Variants in SHB observed in about 807,000 individuals in gnomAD.
SHB encodes SH2 domain-containing adapter protein B.
In SHB, 20 loss-of-function variants were observed where a neutral mutation model predicts 52.3. The ratio of observed to expected loss-of-function variants is 0.38; its 90% CI spans 0.27 to 0.56. The LOEUF (loss-of-function observed/expected upper bound fraction) is 0.56, where lower values mean the gene tolerates loss of function less well. SHB is among the 20% of genes least tolerant of loss of function. SHB has a pLI of 0.71. For synonymous variants in SHB, 397 were observed against 316.5 expected, an observed-to-expected ratio of 1.25 and a Z score of -2.70; for missense variants, 825 against 723.3, an observed-to-expected ratio of 1.14 and a Z score of -1.61.
intron 1 of SHB, among the ~76,000 whole-genome samples, chr9:38,021,623 G>A (rs906608150): frequency 6.6e-6 from 1 of 151,870 alleles, no homozygotes; most frequent in Non-Finnish European, 1.5e-5. Context: ...AGCTGAGATC[G>A]TGCCACTGCA....
intron 5 of SHB, among the ~76,000 whole-genome samples, chr9:37,922,600 GCTGTGCCGATGGGGCAGA>G (rs912511207): frequency 1.3e-5 from 2 of 152,196 alleles, no homozygotes; most frequent in African/African-American, 4.8e-5. Flanking sequence ...CCTGAGCCAG[GCTGTGCCGATGGGGCAGA>G]CTGGTCATGA....
intron 2 of SHB, among the ~76,000 whole-genome samples, chr9:37,990,079 T>C (rs1463015850): frequency 6.6e-6 from 1 of 152,172 alleles, no homozygotes; most frequent in Non-Finnish European, 1.5e-5. Flanking sequence ...TGTCATCAAC[T>C]TCCAGAACAC....
intron 1 of SHB, among the ~76,000 whole-genome samples, chr9:38,027,868 C>T (rs1413141340): frequency 6.6e-6 from 1 of 151,942 alleles, no homozygotes; most frequent in East Asian, 1.9e-4. Context: ...TGGGTCTTGA[C>T]AGCATCTGCT....
intron 4 of SHB, among the ~76,000 whole-genome samples, chr9:37,950,113 T>C (rs1006320371): frequency 6.6e-6 from 1 of 152,120 alleles, no homozygotes; most frequent in African/African-American, 2.4e-5. Context: ...TATTTTAAAA[T>C]CTTTTCTAGA....
At chr9:38,063,795 G>GTTTT (rs5897715) in intron 1 of SHB, among the ~76,000 whole-genome samples, 1 of 129,882 alleles carries the variant, frequency 7.7e-6, no homozygotes, top group Admixed American at 7.7e-5. Context: ...TTTGCTGGAT[G>GTTTT]TTTTTTTTTT....
intron 1 of SHB, among the ~76,000 whole-genome samples, chr9:38,024,582 C>T (rs1267104757): frequency 6.6e-6 from 1 of 152,228 alleles, no homozygotes; most frequent in Non-Finnish European, 1.5e-5. Context: ...GCTTCACCCC[C>T]TCAGAGTGAG....
At chr9:37,956,649 C>T (rs980320668) in intron 3 of SHB, among the ~76,000 whole-genome samples, 8 of 152,216 alleles carry the variant, frequency 5.3e-5, no homozygotes, top group Non-Finnish European at 1.2e-4. Flanking sequence ...TGCTCTTCTC[C>T]CCGCCCTGGG....
intron 5 of SHB, among the ~76,000 whole-genome samples, chr9:37,935,971 G>A (rs994303042): frequency 2.1e-4 from 32 of 151,466 alleles, no homozygotes; most frequent in Middle Eastern, 3.4e-3. Flanking sequence ...AGGAGGCCAA[G>A]GCAGGCAGAT....
At position 38,042,026 on chromosome 9, in the gene SHB, C is replaced by T. The variant is rs191844396; in HGVS notation, c.718-25895G>A. ...TGCAGTCTGTTCTAATTATAAAGCACGCTAGGAGCACTGGGGCAGACGGGG... is the reference window on the plus strand; with the variant it reads ...TGCAGTCTGTTCTAATTATAAAGCATGCTAGGAGCACTGGGGCAGACGGGG... On this transcript the variant is annotated intron_variant, in intron 1 of 5. Transcript: ENST00000377707. Among the ~76,000 whole-genome samples the T allele has an allele frequency of 1.7e-3, 258 of 152,282 alleles. 1 individual carries two copies. The highest frequency in any genetic ancestry group is 5.8e-3 in the African/African-American group (242 of 41,558).
At chr9:37,991,894 G>A (rs1748481317) in intron 2 of SHB, among the ~76,000 whole-genome samples, 1 of 152,218 alleles carries the variant, frequency 6.6e-6, no homozygotes, top group African/African-American at 2.4e-5. Flanking sequence ...TGAGGGATCT[G>A]AAGGGGTTAC....
At chr9:38,067,838 T>C in intron 1 of SHB, 91 bp downstream of exon 1, 1 of 1,314,690 alleles carries the variant, frequency 7.6e-7, no homozygotes, top group Non-Finnish European at 9.8e-7. Context: ...GAAGCTGAAG[T>C]AGAGACTCAA....
At chr9:37,932,290 A>AAAAAG (rs1564081710) in intron 5 of SHB, among the ~76,000 whole-genome samples, 2 of 151,030 alleles carry the variant, frequency 1.3e-5, no homozygotes, top group Non-Finnish European at 1.5e-5. Context: ...AAAAAAAAAA[A>AAAAAG]AAAAGAAAAG....
At chr9:37,939,491 G>A (rs1832412747) in intron 5 of SHB, among the ~76,000 whole-genome samples, 1 of 152,232 alleles carries the variant, frequency 6.6e-6, no homozygotes, top group South Asian at 2.1e-4. Flanking sequence ...TTTGGGTCAT[G>A]GATGCTGACA....
At chr9:37,972,198 A>G (rs904608424) in intron 3 of SHB, among the ~76,000 whole-genome samples, 4 of 152,172 alleles carry the variant, frequency 2.6e-5, no homozygotes, top group African/African-American at 9.7e-5. Flanking sequence ...TGTCTGGGAA[A>G]GTTGTCACAT....
chr9:37,946,045 T>G (rs543022679), intron 5 of SHB, among the ~76,000 whole-genome samples: 1 of 152,158 alleles, frequency 6.6e-6, no homozygotes, highest in East Asian at 1.9e-4. Context: ...TCACACTAGA[T>G]AACACTGACA....
intron 4 of SHB, among the ~76,000 whole-genome samples, chr9:37,953,453 G>A (rs1187717365): frequency 6.6e-6 from 1 of 151,704 alleles, no homozygotes; most frequent in Non-Finnish European, 1.5e-5. Context: ...GGCAAAGTTT[G>A]TTACTGGGAC....
intron 1 of SHB, among the ~76,000 whole-genome samples, chr9:38,065,724 T>C (rs1274260826): frequency 3.3e-5 from 5 of 152,286 alleles, no homozygotes; most frequent in South Asian, 2.1e-4. Flanking sequence ...TAAAAAACCA[T>C]ATCTGATCAC....
chr9:37,943,723 G>C (rs935346829), intron 5 of SHB, among the ~76,000 whole-genome samples: 1 of 152,168 alleles, frequency 6.6e-6, no homozygotes, highest in African/African-American at 2.4e-5. Flanking sequence ...TGCTCCATGA[G>C]GGCAGAGCCT....
At chr9:38,023,796 A>G (rs1446284395) in intron 1 of SHB, among the ~76,000 whole-genome samples, 1 of 152,130 alleles carries the variant, frequency 6.6e-6, no homozygotes, top group Non-Finnish European at 1.5e-5. Flanking sequence ...GCCTATGGCC[A>G]GCATCCAGGG....
Sources: allele counts gnomAD v4.1 joint callset (sites outside exome capture counted in the v4.1 genomes callset), GRCh38; gene constraint gnomAD v4.1.1; transcripts MANE v1.5; gene names NCBI Gene and HGNC (gene_info 2026-07-23, HGNC 2026-07-21).